MAP3K13: variants seen among roughly 807,000 people sequenced by gnomAD.
The protein encoded by MAP3K13 is leucine zipper-bearing kinase.
MAP3K13 carries 52 observed loss-of-function variants against 104.0 expected under a neutral mutation model. The ratio of observed to expected loss-of-function variants is 0.50; its 90% CI spans 0.40 to 0.63. The LOEUF (loss-of-function observed/expected upper bound fraction) is 0.63, where lower values mean the gene tolerates loss of function less well. Ranked by LOEUF, MAP3K13 falls within the 20% of genes least tolerant of loss-of-function variation. The probability of loss-of-function intolerance (pLI) is 0.00; values close to 1 mark genes in which losing one functional copy is unlikely to be tolerated. For synonymous variants in MAP3K13, 394 were observed against 442.2 expected (o/e 0.89, Z 1.37); for missense variants, 914 against 1,218.5 (o/e 0.75, Z 3.72).
intron 1 of MAP3K13, among the ~76,000 whole-genome samples, chr3:185,380,220 G>A (rs1182321667): frequency 7.6e-6 from 1 of 132,040 alleles, no homozygotes; most frequent in Non-Finnish European, 1.6e-5. Context: ...CAGAAGAAGT[G>A]CTCATTCTCA....
At chr3:185,452,203 C>A (rs111919304) in intron 7 of MAP3K13, among the ~76,000 whole-genome samples, 144 of 152,154 alleles carry the variant, frequency 9.5e-4, no homozygotes, top group African/African-American at 3.3e-3. Flanking sequence ...TACTGTACTA[C>A]AAACCATCTC....
chr3:185,381,010 T>C lies in MAP3K13; in HGVS notation c.-86+17642T>C, dbSNP rs9844572. On this transcript the variant is annotated intron_variant, in intron 1 of 13. Coordinates refer to ENST00000265026, the MANE Select transcript of MAP3K13 (RefSeq NM_004721.5). ...TGAAGTCTCGCTCTGTTACCCAGGC[T>C]GGAGTGCAGTGGCAAGATCTCAGCT... 6.9e-3 allele frequency among the ~76,000 whole-genome samples: 1,044 copies of C among 150,482 alleles called. 8 individuals are homozygous for C. The highest frequency in any genetic ancestry group is 0.021 in the African/African-American group (859 of 41,300).
intron 6 of MAP3K13, among the ~76,000 whole-genome samples, 177 bp from the exon 7 acceptor site, chr3:185,451,110 T>C (rs1715856901): frequency 6.6e-6 from 1 of 152,094 alleles, no homozygotes; most frequent in South Asian, 2.1e-4. Context: ...AAAAAAGAAA[T>C]GTTAAAACTG....
intron 2 of MAP3K13, among the ~76,000 whole-genome samples, chr3:185,293,452 C>G (rs1307333592): frequency 6.6e-6 from 1 of 152,074 alleles, no homozygotes; most frequent in East Asian, 1.9e-4. Flanking sequence ...ATCACCCAGG[C>G]TGGAGTGCAA....
chr3:185,453,171 C>A (rs866884760), intron 7 of MAP3K13, among the ~76,000 whole-genome samples: 16 of 152,232 alleles, frequency 1.1e-4, no homozygotes, highest in African/African-American at 1.7e-4. Flanking sequence ...GGAACTATAA[C>A]TTTTGAAATA....
intron 3 of MAP3K13, among the ~76,000 whole-genome samples, chr3:185,440,537 G>A (rs1023370176): frequency 6.6e-5 from 10 of 151,894 alleles, no homozygotes; most frequent in South Asian, 2.1e-4. Flanking sequence ...ACATATAACC[G>A]GAACTTGAAA....
intron 1 of MAP3K13, among the ~76,000 whole-genome samples, chr3:185,389,079 T>G (rs1476269875): frequency 6.6e-6 from 1 of 152,066 alleles, no homozygotes; most frequent in African/African-American, 2.4e-5. Context: ...TTAAACAAAA[T>G]AAAAGTTGCT....
chr3:185,344,459 T>C (rs1182446472), intron 2 of MAP3K13, among the ~76,000 whole-genome samples: 1 of 152,212 alleles, frequency 6.6e-6, no homozygotes, highest in Non-Finnish European at 1.5e-5. Context: ...TCACTTCTTT[T>C]TTCTTAAACA....
At chr3:185,462,532 G>A (rs1490472060) in intron 7 of MAP3K13, among the ~76,000 whole-genome samples, 1 of 152,182 alleles carries the variant, frequency 6.6e-6, no homozygotes, top group Non-Finnish European at 1.5e-5. Flanking sequence ...CAGCACTTTG[G>A]GAGGCCAAAC....
chr3:185,376,988 G>C (rs999933938), intron 1 of MAP3K13, among the ~76,000 whole-genome samples: 2 of 152,114 alleles, frequency 1.3e-5, no homozygotes, highest in African/African-American at 4.8e-5. Context: ...GGGATGAAGG[G>C]TGCAAGGAAT....
chr3:185,345,016 C>A (rs1002215188), intron 2 of MAP3K13, among the ~76,000 whole-genome samples: 1 of 152,082 alleles, frequency 6.6e-6, no homozygotes, highest in African/African-American at 2.4e-5. Flanking sequence ...GCATGCGCCA[C>A]CATGCCCAGC....
Position 185,439,345 on chromosome 3 carries a change from G to A in MAP3K13, c.659+1715G>A, listed in dbSNP as rs547755394. Among the ~76,000 whole-genome samples the A allele has an allele frequency of 2.6e-5, 4 of 152,204 alleles. No homozygotes were observed. In the East Asian group the frequency reaches 7.8e-4, roughly 30 times the overall value. On this transcript the variant is annotated intron_variant, in intron 3 of 13. Transcript: ENST00000265026. ...GGCCAGGAGGATGTGTGACTAAAAT[G>A]AAATGCTGCAGAGACCAATTATCAT...
rs144216782 is a variant in MAP3K13 at position 185,297,870 on chromosome 3, G to A, written c.-86+12227G>A. ...CACCAATACAGTAACCAAAATAAGAGCTACTCTCTCTCTCTCTCTCTGTGT... is the reference window on the plus strand; with the variant it reads ...CACCAATACAGTAACCAAAATAAGAACTACTCTCTCTCTCTCTCTCTGTGT... On this transcript the variant is annotated intron_variant, in intron 2 of 14. Transcript: ENST00000424227. Among the ~76,000 whole-genome samples the A allele has an allele frequency of 3.9e-3, 598 of 151,794 alleles. 6 individuals carry two copies. Among genetic ancestry groups the A allele is most frequent in the African/African-American group, 0.014 (577 of 41,292 alleles).
At chr3:185,350,924 T>A (rs1723117170) in intron 2 of MAP3K13, among the ~76,000 whole-genome samples, 1 of 152,152 alleles carries the variant, frequency 6.6e-6, no homozygotes, top group Admixed American at 6.5e-5. Context: ...ATGCATATAA[T>A]CATCATAGCA....
chr3:185,390,621 AT>A (rs750832762), intron 1 of MAP3K13, among the ~76,000 whole-genome samples: 23,812 of 123,562 alleles, frequency 0.19, 1,602 homozygotes, highest in African/African-American at 0.27. Flanking sequence ...TACAGTCAGA[AT>A]TTTTTTTTTT....
intron 1 of MAP3K13, chr3:185,417,940 G>A: frequency 6.2e-7 from 1 of 1,605,684 alleles, no homozygotes; most frequent in Non-Finnish European, 8.5e-7. Context: ...CTTGTGCATG[G>A]GAAGATTGTA....
intron 11 of MAP3K13, 46 bp from the exon 12 acceptor site, chr3:185,477,278 CAG>C (rs1439205692): frequency 8.3e-7 from 1 of 1,200,782 alleles, no homozygotes; most frequent in Non-Finnish European, 1.2e-6. Flanking sequence ...GTGAGAGAGA[CAG>C]AGTGACACTA....
chr3:185,317,310 T>C (rs950167477), intron 2 of MAP3K13, among the ~76,000 whole-genome samples: 22 of 152,166 alleles, frequency 1.4e-4, no homozygotes, highest in African/African-American at 4.6e-4. Context: ...CGGGGAAATA[T>C]TTTGTTTCTG....
chr3:185,486,209 G>T lies in MAP3K13; in HGVS notation c.*3753G>T, dbSNP rs137948169. On this transcript the variant is annotated 3_prime_UTR_variant, in exon 14 of 14. Transcript: ENST00000265026. ...CTCGTAATTTTGATCAGTTTTTTTT[G>T]AATTCTCATCTTGATTATCTGTTAT... 17 of 152,060 alleles carry T rather than the reference G, an allele frequency of 1.1e-4. No individual in the cohort carries two copies. The highest frequency in any genetic ancestry group is 4.1e-4 in the African/African-American group (17 of 41,484). 9.4% of individuals were successfully genotyped at this position (152,060 alleles called of 1,614,324 possible).
Sources: allele counts gnomAD v4.1 joint callset (sites outside exome capture counted in the v4.1 genomes callset), GRCh38; gene constraint gnomAD v4.1.1; transcripts MANE v1.5; gene names NCBI Gene and HGNC (gene_info 2026-07-23, HGNC 2026-07-21).